Variants in IFT57 observed in about 807,000 individuals in gnomAD.
IFT57 encodes intraflagellar transport 57.
Under a neutral mutation model 56.8 loss-of-function variants are expected in IFT57, and 59 were observed. The ratio of observed to expected loss-of-function variants is 1.04; its 90% CI spans 0.84 to 1.29. IFT57 has a LOEUF of 1.29. Among genes scored for constraint, IFT57 ranks in the 50% most tolerant of loss-of-function variants. The pLI is 0.00. For missense variants in IFT57, 470 were observed against 522.1 expected, an observed-to-expected ratio of 0.90 and a Z score of 0.97; for synonymous variants, 209 against 186.1, an observed-to-expected ratio of 1.12 and a Z score of -1.00.
intron 5 of IFT57, among the ~76,000 whole-genome samples, chr3:108,205,798 CAA>C (rs2080306239): frequency 7.7e-6 from 1 of 130,708 alleles, no homozygotes; most frequent in Admixed American, 8.2e-5. Context: ...ATATAATATA[CAA>C]AATATTATAG....
intron 4 of IFT57, among the ~76,000 whole-genome samples, chr3:108,212,075 T>C (rs1020467833): frequency 3.9e-5 from 6 of 152,108 alleles, no homozygotes; most frequent in African/African-American, 1.4e-4. Context: ...TTCAAACTCT[T>C]GGGCTCAAGC....
In IFT57 at chr3:108,222,380, C is replaced by T. The variant is rs1228938790; in HGVS notation, c.-58G>A. 39 of 1,499,730 alleles carry T rather than the reference C, an allele frequency of 2.6e-5. No homozygotes were observed. In the South Asian group the frequency reaches 3.5e-4, roughly 13 times the overall value. 92.9% of individuals were successfully genotyped at this position (1,499,730 alleles called of 1,614,324 possible). A position where few individuals can be genotyped will look rare whatever the true frequency, so the allele number is the denominator to read the frequency against. On this transcript the variant is annotated 5_prime_UTR_variant, in exon 1 of 11. Transcript: ENST00000264538. ...GCCCACAGACCTCTGCGGCCTAAGC[C>T]GCCAGCCCTGCCGCCGCCAGTACAG... is the stretch of plus-strand genomic sequence containing the variant.
intron 9 of IFT57, 122 bp downstream of exon 9, chr3:108,165,309 A>G: frequency 1.4e-6 from 1 of 717,440 alleles, no homozygotes; most frequent in Non-Finnish European, 2.5e-6. Context: ...ATTATCTCCT[A>G]AAGAAAATGA....
chr3:108,213,866 G>C (rs1449320336), intron 4 of IFT57, 65 bp downstream of exon 4: 3 of 880,346 alleles, frequency 3.4e-6, no homozygotes, highest in Non-Finnish European at 5.5e-6. Context: ...AAGTCTGGGG[G>C]AAATTAAGAG....
intron 4 of IFT57, among the ~76,000 whole-genome samples, chr3:108,208,277 T>A (rs57492931): frequency 0.096 from 14,618 of 152,178 alleles, 766 homozygotes; most frequent in Middle Eastern, 0.12. Context: ...TACACTTTTG[T>A]CAAATGGCTT....
At chr3:108,205,523 T>C (rs1307286856) in intron 5 of IFT57, among the ~76,000 whole-genome samples, 1 of 151,286 alleles carries the variant, frequency 6.6e-6, no homozygotes, top group Non-Finnish European at 1.5e-5. Flanking sequence ...GGATTAATAA[T>C]ACTAAGGCAG....
intron 6 of IFT57, among the ~76,000 whole-genome samples, chr3:108,179,998 G>C (rs1460458867): frequency 6.6e-6 from 1 of 151,790 alleles, no homozygotes; most frequent in Non-Finnish European, 1.5e-5. Flanking sequence ...GTTTCCTCAG[G>C]GATGTTCCTG....
At chr3:108,187,206 A>T (rs932851108) in intron 6 of IFT57, among the ~76,000 whole-genome samples, 1 of 152,216 alleles carries the variant, frequency 6.6e-6, no homozygotes, top group Non-Finnish European at 1.5e-5. Flanking sequence ...GCTGTGAAGC[A>T]TATTATTTGT....
chr3:108,198,315 T>C (rs1398253010), intron 5 of IFT57, among the ~76,000 whole-genome samples: 4 of 152,344 alleles, frequency 2.6e-5, no homozygotes, highest in East Asian at 3.9e-4. Context: ...TCTTGTAATA[T>C]AAAGTTTTAA....
chr3:108,180,239 C>T (rs1419076295), intron 6 of IFT57, among the ~76,000 whole-genome samples: 1 of 151,922 alleles, frequency 6.6e-6, no homozygotes, highest in Non-Finnish European at 1.5e-5. Context: ...TATGTTGACT[C>T]AGACCTATTA....
chr3:108,221,943 C>T (rs933306649), intron 1 of IFT57, 168 bp downstream of exon 1: 5 of 1,346,696 alleles, frequency 3.7e-6, no homozygotes, highest in Non-Finnish European at 4.9e-6. Context: ...GCTGCGTGAG[C>T]TCCACGGACC....
At chr3:108,215,911 T>C (rs1216756059) in intron 3 of IFT57, among the ~76,000 whole-genome samples, 5 of 152,046 alleles carry the variant, frequency 3.3e-5, no homozygotes, top group Non-Finnish European at 7.4e-5. Flanking sequence ...TAAATAGTAC[T>C]GGGGAAACTG....
intron 6 of IFT57, among the ~76,000 whole-genome samples, chr3:108,170,672 A>T (rs2080087762): frequency 6.6e-6 from 1 of 151,572 alleles, no homozygotes. Context: ...TGGAACCAAA[A>T]AAAAAAACCC....
At chr3:108,205,986 TA>T (rs1342789837) in intron 5 of IFT57, among the ~76,000 whole-genome samples, 41 of 32,162 alleles carry the variant, frequency 1.3e-3, no homozygotes, top group Non-Finnish European at 2.8e-3. Flanking sequence ...ATATAATATA[TA>T]ATATATTTAT....
intron 5 of IFT57, among the ~76,000 whole-genome samples, chr3:108,201,379 C>T (rs978470812): frequency 4.6e-5 from 7 of 152,212 alleles, no homozygotes; most frequent in African/African-American, 1.7e-4. Context: ...CCATTTGAGC[C>T]TCCACTGAGC....
At chr3:108,208,077 G>A (rs2080323385) in intron 4 of IFT57, among the ~76,000 whole-genome samples, 2 of 151,276 alleles carry the variant, frequency 1.3e-5, no homozygotes, top group African/African-American at 4.9e-5. Context: ...CTATAGGGGT[G>A]GGGCAACTAA....
chr3:108,179,838 G>A (rs1419490947), intron 6 of IFT57, among the ~76,000 whole-genome samples: 2 of 151,828 alleles, frequency 1.3e-5, no homozygotes, highest in Non-Finnish European at 2.9e-5. Flanking sequence ...AGTCTTCTAT[G>A]GTACACTCTT....
At chr3:108,195,257 C>G (rs929686567) in intron 5 of IFT57, among the ~76,000 whole-genome samples, 2 of 152,060 alleles carry the variant, frequency 1.3e-5, no homozygotes, top group African/African-American at 4.8e-5. Flanking sequence ...CAGAGAAATG[C>G]GAACCAAAAC....
chr3:108,205,782 CATATT>C lies in IFT57; in HGVS notation c.654+841_654+845del, dbSNP rs1346525604. Among the ~76,000 whole-genome samples, 150 of 136,810 alleles carry C rather than the reference CATATT, an allele frequency of 1.1e-3. 1 individual carries two copies. The highest frequency in any genetic ancestry group is 4.0e-3 in the African/African-American group (147 of 36,946). The allele number at this position is 136,810 out of a possible 152,430, so 89.8% of individuals were successfully genotyped here. On this transcript the variant is annotated intron_variant, in intron 5 of 10. Coordinates refer to ENST00000264538, the MANE Select transcript of IFT57 (RefSeq NM_018010.4). Reference sequence around the variant, plus strand: ...TTATATAATATATAAAATATTATAACATATTATATAATATACAAAATATTATAGCA... The same window carrying C: ...TTATATAATATATAAAATATTATAACATATAATATACAAAATATTATAGCA...
Sources: allele counts gnomAD v4.1 joint callset (sites outside exome capture counted in the v4.1 genomes callset), GRCh38; gene constraint gnomAD v4.1.1; transcripts MANE v1.5; gene names NCBI Gene and HGNC (gene_info 2026-07-23, HGNC 2026-07-21).